The following MUC7 variants were observed in gnomAD, a reference collection of about 807,000 sequenced individuals.
The protein encoded by MUC7 is mucin-7.
MUC7 carries 2 observed loss-of-function variants against 2.5 expected under a neutral mutation model. That is an observed-to-expected ratio of 0.81 (90% confidence interval 0.33 to 2.55). MUC7 has a LOEUF of 2.55. MUC7 is among the 30% of genes most tolerant of loss of function. The pLI is 0.11. For synonymous variants in MUC7, 133 were observed against 173.4 expected, an observed-to-expected ratio of 0.77 and a Z score of 1.83; for missense variants, 408 against 455.6, an observed-to-expected ratio of 0.90 and a Z score of 0.95.
intron 1 of MUC7, among the ~76,000 whole-genome samples, chr4:70,434,520 G>A (rs1733774161): frequency 6.6e-6 from 1 of 152,140 alleles, no homozygotes; most frequent in South Asian, 2.1e-4. Context: ...GGTGTTTATA[G>A]TATTCTCTGA....
Position 70,438,047 on chromosome 4 carries a change from G to T in MUC7, c.-93+7360G>T, listed in dbSNP as rs543036610. 3.9e-5 allele frequency among the ~76,000 whole-genome samples: 6 copies of T among 152,274 alleles called. No individual in the cohort carries two copies. In the East Asian group the frequency reaches 1.2e-3, roughly 29 times the overall value. ...TGCCTGTCCAGGCCTGGTTGTTTTTGAAAATCATGTGGAATGTAGAACAGC... is the reference window on the plus strand; with the variant it reads ...TGCCTGTCCAGGCCTGGTTGTTTTTTAAAATCATGTGGAATGTAGAACAGC... On this transcript the variant is annotated intron_variant, in intron 1 of 3. Coordinates refer to the MUC7 transcript ENST00000413702.
At chr4:70,474,113 C>G in intron 2 of MUC7, 38 bp downstream of exon 2, 5 of 1,556,782 alleles carry the variant, frequency 3.2e-6, no homozygotes, top group Non-Finnish European at 4.4e-6. Flanking sequence ...CCTTAACTAT[C>G]AATAACAAAC....
At chr4:70,440,067 A>G (rs1313279806) in intron 1 of MUC7, among the ~76,000 whole-genome samples, 2 of 152,176 alleles carry the variant, frequency 1.3e-5, no homozygotes, top group Admixed American at 6.5e-5. Context: ...GTCATCTCGA[A>G]TGTGAAATAC....
chr4:70,458,402 G>T (rs1357842446), intron 1 of MUC7, among the ~76,000 whole-genome samples: 1 of 152,104 alleles, frequency 6.6e-6, no homozygotes, highest in Non-Finnish European at 1.5e-5. Context: ...TTCTTAAATT[G>T]TGTGATAAGT....
At chr4:70,468,388 T>C (rs1019027544), upstream of MUC7, among the ~76,000 whole-genome samples, 1 of 152,042 alleles carries the variant, frequency 6.6e-6, no homozygotes, top group Non-Finnish European at 1.5e-5. Context: ...CTGTTCAACA[T>C]AGTATGGGAA....
intron 1 of MUC7, among the ~76,000 whole-genome samples, chr4:70,464,232 T>C (rs1445455300): frequency 6.6e-6 from 1 of 152,170 alleles, no homozygotes; most frequent in Non-Finnish European, 1.5e-5. Flanking sequence ...ACTATTCTTT[T>C]CCCACCATCT....
At chr4:70,444,021 T>A (rs1734066757) in intron 1 of MUC7, among the ~76,000 whole-genome samples, 1 of 152,184 alleles carries the variant, frequency 6.6e-6, no homozygotes, top group African/African-American at 2.4e-5. Flanking sequence ...CTGACCCTCA[T>A]TTATCACCAA....
chr4:70,446,941 T>C (rs1262777964), intron 1 of MUC7, among the ~76,000 whole-genome samples: 1 of 152,142 alleles, frequency 6.6e-6, no homozygotes, highest in African/African-American at 2.4e-5. Flanking sequence ...TATTATTGCA[T>C]AGATCTTCAT....
intron 1 of MUC7, among the ~76,000 whole-genome samples, chr4:70,448,846 C>T (rs1734208014): frequency 6.6e-6 from 1 of 152,052 alleles, no homozygotes; most frequent in African/African-American, 2.4e-5. Context: ...AAATCTTTGC[C>T]CACTCCAGTG....
intron 1 of MUC7, among the ~76,000 whole-genome samples, chr4:70,437,079 C>T (rs955283654): frequency 6.6e-6 from 1 of 152,122 alleles, no homozygotes; most frequent in African/African-American, 2.4e-5. Flanking sequence ...GAAGCTTCAT[C>T]CCAGAAGGGT....
intron 1 of MUC7, among the ~76,000 whole-genome samples, chr4:70,437,376 C>A (rs555448580): frequency 6.6e-6 from 1 of 152,334 alleles, no homozygotes; most frequent in East Asian, 1.9e-4. Context: ...AGCTTCCCTG[C>A]CTCTTTGTTT....
chr4:70,453,026 C>T (rs1399701382), intron 1 of MUC7, among the ~76,000 whole-genome samples: 3 of 152,206 alleles, frequency 2.0e-5, no homozygotes, highest in African/African-American at 7.2e-5. Context: ...CTCTCCTGGC[C>T]TGTAAAGTTT....
chr4:70,470,278 G>A (rs566629229), upstream of MUC7, among the ~76,000 whole-genome samples: 122 of 152,212 alleles, frequency 8.0e-4, no homozygotes, highest in African/African-American at 2.9e-3. Flanking sequence ...GCTGGGGGAG[G>A]GATAGCACTA....
intron 1 of MUC7, among the ~76,000 whole-genome samples, chr4:70,455,978 T>C (rs1428170602): frequency 6.6e-6 from 1 of 152,136 alleles, no homozygotes; most frequent in African/African-American, 2.4e-5. Context: ...TCTCAAGAAG[T>C]TCCTAATTTC....
chr4:70,447,041 T>C (rs1734160059), intron 1 of MUC7, among the ~76,000 whole-genome samples: 1 of 147,228 alleles, frequency 6.8e-6, no homozygotes, highest in Admixed American at 7.0e-5. Context: ...AGATTTTCTT[T>C]ATGATATTAT....
chr4:70,455,897 C>T (rs1734399327), intron 1 of MUC7, among the ~76,000 whole-genome samples: 1 of 152,154 alleles, frequency 6.6e-6, no homozygotes, highest in African/African-American at 2.4e-5. Flanking sequence ...CCTTCACCAC[C>T]CTCTTCTTGT....
chr4:70,450,946 A>G (rs1486613075), intron 1 of MUC7, among the ~76,000 whole-genome samples: 1 of 151,920 alleles, frequency 6.6e-6, no homozygotes, highest in Non-Finnish European at 1.5e-5. Context: ...TCCTTGGCTG[A>G]CCCAGCTGGT....
At chr4:70,480,151 A>G (rs1345397997) in intron 2 of MUC7, among the ~76,000 whole-genome samples, 1 of 152,242 alleles carries the variant, frequency 6.6e-6, no homozygotes, top group Non-Finnish European at 1.5e-5. Context: ...TTCTCTAAAA[A>G]TCAGATGACT....
At chr4:70,474,145 C>G in intron 2 of MUC7, 70 bp downstream of exon 2, 1 of 1,317,316 alleles carries the variant, frequency 7.6e-7, no homozygotes, top group South Asian at 1.2e-5. Flanking sequence ...CTACCTGAGA[C>G]TTTTAAAGCA....
Sources: gnomAD v4.1 joint callset for allele counts (sites outside exome capture counted in the v4.1 genomes callset) on GRCh38, gnomAD v4.1.1 for gene constraint, MANE v1.5 for transcripts, NCBI Gene and HGNC (gene_info 2026-07-23, HGNC 2026-07-21) for gene names.